LINGO2: variants seen among roughly 807,000 people sequenced by gnomAD.
LINGO2 encodes the protein leucine rich repeat and Ig domain containing 2.
Under a neutral mutation model 30.6 loss-of-function variants are expected in LINGO2, and 14 were observed. That is an observed-to-expected ratio of 0.46 (90% CI 0.30 to 0.72). The LOEUF is 0.72. Among genes scored for constraint, LINGO2 ranks in the 30% least tolerant of loss-of-function variants. The pLI, the probability that LINGO2 is intolerant of heterozygous loss-of-function variation, is 0.07. For synonymous variants in LINGO2, 317 were observed against 288.5 expected (o/e 1.10, Z -1.00); for missense variants, 729 against 751.7 (o/e 0.97, Z 0.35).
intron 3 of LINGO2, among the ~76,000 whole-genome samples, chr9:28,303,138 T>TA: frequency 6.6e-6 from 1 of 152,308 alleles, no homozygotes. Context: ...TTTATCCCAA[T>TA]ATCAGGTATA....
chr9:29,195,059 A>G, the LINGO2 span, among the ~76,000 whole-genome samples: 2 of 146,980 alleles, frequency 1.4e-5, no homozygotes, highest in African/African-American at 5.1e-5. Flanking sequence ...TTTGTCAAGC[A>G]CTAATCTTTT....
the LINGO2 span, among the ~76,000 whole-genome samples, chr9:29,148,896 C>T: frequency 0.41 from 61,978 of 151,936 alleles, 12,859 homozygotes; most frequent in East Asian, 0.54. Context: ...ATAGGGCCAA[C>T]TGTTTTTCAA....
the LINGO2 span, among the ~76,000 whole-genome samples, chr9:28,694,302 A>G: frequency 1.3e-5 from 2 of 152,006 alleles, no homozygotes; most frequent in African/African-American, 4.8e-5. Flanking sequence ...TAGTTTCCAA[A>G]TGATTTATGA....
chr9:28,354,888 T>C (rs1820105620), intron 3 of LINGO2, among the ~76,000 whole-genome samples: 1 of 152,138 alleles, frequency 6.6e-6, no homozygotes, highest in African/African-American at 2.4e-5. Context: ...TGATATCATA[T>C]AAAAAATAAA....
chr9:28,355,809 T>C (rs1174133362), intron 3 of LINGO2, among the ~76,000 whole-genome samples: 2 of 135,234 alleles, frequency 1.5e-5, no homozygotes, highest in African/African-American at 4.9e-5. Context: ...GGTATCTGTA[T>C]GTGTGCATAC....
chr9:29,111,631 G>A, the LINGO2 span, among the ~76,000 whole-genome samples: 12 of 151,730 alleles, frequency 7.9e-5, no homozygotes, highest in Non-Finnish European at 1.6e-4. Context: ...TGTGGCCTAT[G>A]TGAAAGCCAT....
intron 5 of LINGO2, among the ~76,000 whole-genome samples, chr9:27,998,855 C>A (rs2119114185): frequency 6.6e-6 from 1 of 152,216 alleles, no homozygotes; most frequent in Admixed American, 6.5e-5. Context: ...ATAACTGCCA[C>A]AGCATGAGAG....
In LINGO2 at chr9:28,513,514, A is replaced by G. The variant is rs192887464; in HGVS notation, c.-364-37489T>C. Among the ~76,000 whole-genome samples, 122 of 152,358 alleles carry G rather than the reference A, an allele frequency of 8.0e-4. 1 individual carries two copies. Among genetic ancestry groups the G allele is most frequent in the African/African-American group, 2.7e-3 (111 of 41,586 alleles). ...TGCATGAAAAAGATACAATTATAGAAAAAGCAATATTTGAGTAAATAGTTT... is the reference window on the plus strand; with the variant it reads ...TGCATGAAAAAGATACAATTATAGAGAAAGCAATATTTGAGTAAATAGTTT... On this transcript the variant is annotated intron_variant, in intron 1 of 5. Coordinates refer to ENST00000379992, the Ensembl canonical transcript of LINGO2.
intron 2 of LINGO2, among the ~76,000 whole-genome samples, chr9:28,458,782 C>T (rs919180466): frequency 6.6e-6 from 1 of 152,128 alleles, no homozygotes; most frequent in Admixed American, 6.6e-5. Flanking sequence ...TAACTGCCCA[C>T]TCTTGAAGGT....
intron 1 of LINGO2, among the ~76,000 whole-genome samples, chr9:28,612,346 C>T (rs759803537): frequency 6.6e-6 from 1 of 152,084 alleles, no homozygotes; most frequent in African/African-American, 2.4e-5. Flanking sequence ...TATAGGCATC[C>T]GCCAGTGGCC....
intron 1 of LINGO2, among the ~76,000 whole-genome samples, chr9:28,478,332 GT>G (rs200595329): frequency 5.1e-4 from 77 of 150,726 alleles, no homozygotes; most frequent in African/African-American, 1.8e-3. Flanking sequence ...CTTTGTTTCT[GT>G]TTTTTTTTCT....
At chr9:28,506,763 A>C (rs1231887968) in intron 1 of LINGO2, among the ~76,000 whole-genome samples, 1 of 151,498 alleles carries the variant, frequency 6.6e-6, no homozygotes, top group African/African-American at 2.4e-5. Flanking sequence ...GTCTCTAGGT[A>C]CCATAATTAT....
At chr9:28,142,157 CTTTTTT>C (rs3064726) in intron 4 of LINGO2, among the ~76,000 whole-genome samples, 1 of 135,990 alleles carries the variant, frequency 7.4e-6, no homozygotes, top group Non-Finnish European at 1.6e-5. Context: ...CTTTCTTTGT[CTTTTTT>C]TTTTTTTTTT....
At chr9:28,421,209 G>T (rs955954294) in intron 2 of LINGO2, among the ~76,000 whole-genome samples, 8 of 151,274 alleles carry the variant, frequency 5.3e-5, no homozygotes, top group African/African-American at 1.9e-4. Context: ...ATAGCATCAA[G>T]AACAAGAATA....
the LINGO2 span, among the ~76,000 whole-genome samples, chr9:28,689,723 T>G: frequency 6.6e-6 from 1 of 152,146 alleles, no homozygotes; most frequent in African/African-American, 2.4e-5. Flanking sequence ...CCCAAGGTAA[T>G]ATAAATCATT....
At chr9:29,188,037 T>TTA in the LINGO2 span, among the ~76,000 whole-genome samples, 18 of 123,678 alleles carry the variant, frequency 1.5e-4, no homozygotes, top group East Asian at 4.9e-4. Context: ...TTTTTTTTTT[T>TTA]ATTGATCATT....
At chr9:28,653,250 AG>A (rs1286709781) in intron 1 of LINGO2, among the ~76,000 whole-genome samples, 1 of 152,138 alleles carries the variant, frequency 6.6e-6, no homozygotes. Context: ...TAGGATTTCT[AG>A]GCAGATGAAA....
chr9:28,298,818 A>G (rs1824026595), intron 3 of LINGO2, among the ~76,000 whole-genome samples: 1 of 152,216 alleles, frequency 6.6e-6, no homozygotes, highest in Non-Finnish European at 1.5e-5. Flanking sequence ...GGCATACAGA[A>G]GTGATTGATA....
chr9:28,725,895 C>G, the LINGO2 span, among the ~76,000 whole-genome samples: 1 of 151,848 alleles, frequency 6.6e-6, no homozygotes, highest in Admixed American at 6.6e-5. Flanking sequence ...ATGTCAAAAC[C>G]AAGGTTATAA....
Sources: gnomAD v4.1 joint callset for allele counts (sites outside exome capture counted in the v4.1 genomes callset) on GRCh38, gnomAD v4.1.1 for gene constraint, MANE v1.5 for transcripts, NCBI Gene and HGNC (gene_info 2026-07-23, HGNC 2026-07-21) for gene names.